CENPF: variants seen among roughly 807,000 people sequenced by gnomAD.
CENPF encodes the protein AH antigen.
A neutral mutation model predicts 307.3 loss-of-function variants in CENPF; 214 were observed. The ratio of observed to expected loss-of-function variants is 0.70; its 90% CI spans 0.62 to 0.78. The LOEUF (loss-of-function observed/expected upper bound fraction) is 0.78, where lower values mean the gene tolerates loss of function less well. CENPF is among the 30% of genes least tolerant of loss of function. CENPF has a pLI of 0.00. For missense variants in CENPF, 3,401 were observed against 3,483.9 expected (o/e 0.98, Z 0.60); for synonymous variants, 1,259 against 1,270.6 (o/e 0.99, Z 0.19).
rs2102530195 is a variant in CENPF at position 214,613,838 on chromosome 1, C to A, written c.84C>A (p.Asp28Glu). The change falls in exon 2 of 20, where the codon GAC becomes GAA. Residue 28 changes from aspartate to glutamate, a missense_variant. Transcript: ENST00000366955. ...QKIQELEGQLDKLKKEKQQRQ... is the reference protein window; with the variant it reads ...QKIQELEGQLEKLKKEKQQRQ... ...TTCAAGAGCTTGAAGGACAGCTTGA[C>A]AAACTGAAGAAGGAAAAGCAGCAAA... 1 of 1,613,910 alleles carries A rather than the reference C, an allele frequency of 6.2e-7. No homozygotes were observed. The highest frequency in any genetic ancestry group is 8.5e-7 in the Non-Finnish European group (1 of 1,179,908).
intron 5 of CENPF, among the ~76,000 whole-genome samples, chr1:214,620,159 C>T (rs893258418): frequency 2.6e-5 from 4 of 152,130 alleles, no homozygotes; most frequent in African/African-American, 9.7e-5. Context: ...GTAGATCATC[C>T]ACAAATGTAT....
At chr1:214,662,470 C>T (rs1285655242) in intron 19 of CENPF, among the ~76,000 whole-genome samples, 1 of 152,098 alleles carries the variant, frequency 6.6e-6, no homozygotes, top group Non-Finnish European at 1.5e-5. Context: ...TTTTTCAAAT[C>T]ACATGCTTCC....
chr1:214,636,269 C>T (rs892313029), intron 10 of CENPF, among the ~76,000 whole-genome samples: 2 of 152,190 alleles, frequency 1.3e-5, no homozygotes, highest in Non-Finnish European at 2.9e-5. Flanking sequence ...AGTCATTATA[C>T]GTTCCATAAT....
chr1:214,610,587 C>G (rs756860603), intron 1 of CENPF, among the ~76,000 whole-genome samples: 1 of 151,354 alleles, frequency 6.6e-6, no homozygotes, highest in East Asian at 1.9e-4. Context: ...GGATATTAGA[C>G]CTTTATCAGA....
intron 1 of CENPF, chr1:214,612,957 A>T: frequency 4.2e-6 from 1 of 236,824 alleles, no homozygotes; most frequent in Non-Finnish European, 8.4e-6. Flanking sequence ...TTTCTTTTTG[A>T]TTAACTGCTG....
At chr1:214,632,443 C>T in intron 9 of CENPF, 37 bp from the exon 10 acceptor site, 1 of 1,596,872 alleles carries the variant, frequency 6.3e-7, no homozygotes, top group South Asian at 1.1e-5. Context: ...AAGTAAAGAA[C>T]ATGAAAATGA....
At position 214,646,203 on chromosome 1, in the gene CENPF, AAAAG is replaced by A; in HGVS notation, c.6637_6640del (p.Glu2213IlefsTer2). The A allele has an allele frequency of 6.2e-7, 1 of 1,613,364 alleles. No homozygotes were observed. The highest frequency in any genetic ancestry group is 8.5e-7 in the Non-Finnish European group (1 of 1,179,870). ...TAGACCTTGTCACGTTAAGGTCTGA[AAAAG>A]AAAATCTGACAAAACAAATACAAGA... On this transcript the variant is annotated frameshift_variant, in exon 13 of 20. Coordinates refer to ENST00000366955, the MANE Select transcript of CENPF (RefSeq NM_016343.4). LOFTEE classifies it high-confidence loss of function.
At chr1:214,625,213 C>A (rs888491602) in intron 7 of CENPF, among the ~76,000 whole-genome samples, 1 of 152,032 alleles carries the variant, frequency 6.6e-6, no homozygotes, top group Non-Finnish European at 1.5e-5. Context: ...TATACTCTTT[C>A]ACTATCTGTC....
chr1:214,618,756 A>G, intron 4 of CENPF, 62 bp downstream of exon 4: 1 of 1,473,236 alleles, frequency 6.8e-7, no homozygotes, highest in Non-Finnish European at 9.2e-7. Context: ...TTAATTCTGC[A>G]AAATAAATGA....
chr1:214,655,511 G>A, intron 17 of CENPF, 108 bp downstream of exon 17: 1 of 924,768 alleles, frequency 1.1e-6, no homozygotes, highest in Non-Finnish European at 1.5e-6. Context: ...TTCTATTACT[G>A]AGTGCTGATT....
chr1:214,642,121 TA>T lies in CENPF; in HGVS notation c.3786del (p.Asp1263ThrfsTer4), dbSNP rs756323807. On this transcript the variant is annotated frameshift_variant, in exon 12 of 20. Coordinates refer to ENST00000366955, the MANE Select transcript of CENPF (RefSeq NM_016343.4). LOFTEE classifies it high-confidence loss of function. ...TGCAGTCACAAGAAATTAGTGGCCT[TA>T]AAGACTGTGAAATAGATGCGGAAGA... ...DMQSQEISGL[K>X]DCEIDAEEKY... 5.0e-6 allele frequency: 8 copies of T among 1,613,810 alleles called. No individual in the cohort carries two copies. Among genetic ancestry groups the T allele is most frequent in the Non-Finnish European group, 5.9e-6 (7 of 1,179,926 alleles).
intron 17 of CENPF, 126 bp downstream of exon 17, chr1:214,655,529 A>G (rs1658608734): frequency 7.8e-6 from 6 of 765,422 alleles, no homozygotes; most frequent in South Asian, 4.2e-5. Flanking sequence ...ATTTTTTACC[A>G]TTAATCCATT....
At chr1:214,636,707 C>T (rs1463936768) in intron 10 of CENPF, among the ~76,000 whole-genome samples, 1 of 152,170 alleles carries the variant, frequency 6.6e-6, no homozygotes, top group Non-Finnish European at 1.5e-5. Context: ...TCTAACAGTG[C>T]AGTAGGGTTT....
chr1:214,651,935 T>C, intron 15 of CENPF, 49 bp downstream of exon 15: 1 of 1,476,876 alleles, frequency 6.8e-7, no homozygotes, highest in Non-Finnish European at 9.0e-7. Context: ...TGTATTTTGA[T>C]CATGGTAAGG....
chr1:214,614,397 C>A (rs528986589), intron 2 of CENPF, among the ~76,000 whole-genome samples: 20 of 152,176 alleles, frequency 1.3e-4, no homozygotes, highest in African/African-American at 4.8e-4. Flanking sequence ...AAAATGAAAA[C>A]TAAACAGTAC....
Position 214,657,259 on chromosome 1 carries a change from A to C in CENPF, c.8812A>C (p.Ile2938Leu). 1 of 1,614,156 alleles carries C rather than the reference A, an allele frequency of 6.2e-7. No individual in the cohort carries two copies. The highest frequency in any genetic ancestry group is 8.5e-7 in the Non-Finnish European group (1 of 1,180,004). Residue 2938 changes from isoleucine to leucine, a missense_variant, in exon 18 of 20, where the codon ATA (isoleucine) becomes CTA (leucine). By Grantham distance (5) the Ile-to-Leu change is conservative (BLOSUM62 2). Transcript: ENST00000366955. ...ASGKRQRSSG[I>L]WENGRGPTPA... ...AGGCAAGAGGCAAAGATCCAGTGGA[A>C]TATGGGAGAATGGTAGAGGACCAAC...
chr1:214,647,105 A>T lies in CENPF; in HGVS notation c.7535A>T (p.Asp2512Val), dbSNP rs750507308. The change falls in exon 13 of 20, where the codon GAT (aspartate) becomes GTT (valine). Residue 2512 changes from aspartate to valine, a missense_variant. Transcript: ENST00000366955. ...AATGGCCTCATTCAAGAAGTAGAAGATGGCAAGCAGAAACTGGAGAAGAAG... is the reference window on the plus strand; with the variant it reads ...AATGGCCTCATTCAAGAAGTAGAAGTTGGCAAGCAGAAACTGGAGAAGAAG... ...SVNGLIQEVE[D>V]GKQKLEKKDE... 9 of 1,613,978 alleles carry T rather than the reference A, an allele frequency of 5.6e-6. No homozygotes were observed. The African/African-American group carries it at 1.1e-4, about 19-fold the overall frequency.
At chr1:214,652,787 C>T in intron 15 of CENPF, 41 bp from the exon 16 acceptor site, 1 of 1,508,368 alleles carries the variant, frequency 6.6e-7, no homozygotes, top group Non-Finnish European at 8.9e-7. Context: ...TGCCTCCTGG[C>T]TAAAGTAACA....
At chr1:214,610,479 ATT>A (rs200567669) in intron 1 of CENPF, among the ~76,000 whole-genome samples, 14 of 130,484 alleles carry the variant, frequency 1.1e-4, no homozygotes, top group Admixed American at 1.5e-4. Flanking sequence ...AGCCACATGT[ATT>A]TTTTTTTTTT....
Sources: gnomAD v4.1 joint callset for allele counts (sites outside exome capture counted in the v4.1 genomes callset) on GRCh38, gnomAD v4.1.1 for gene constraint, MANE v1.5 for transcripts, NCBI Gene and HGNC (gene_info 2026-07-23, HGNC 2026-07-21) for gene names.